The following HDAC9 variants were observed in gnomAD, a reference collection of about 807,000 sequenced individuals.
The protein encoded by HDAC9 is MEF-2 interacting transcription repressor (MITR) protein.
In HDAC9, 41 loss-of-function variants were observed where a neutral mutation model predicts 139.4. The observed-to-expected ratio is 0.29, with a 90% CI of 0.23 to 0.38. The LOEUF is 0.38. HDAC9 is among the 10% of genes least tolerant of loss of function. The pLI, the probability that HDAC9 is intolerant of heterozygous loss-of-function variation, is 1.00. For synonymous variants in HDAC9, 517 were observed against 476.2 expected, an observed-to-expected ratio of 1.09 and a Z score of -1.12; for missense variants, 1,147 against 1,297.0, an observed-to-expected ratio of 0.88 and a Z score of 1.78.
chr7:18,313,051 A>G (rs991051895), intron 1 of HDAC9, among the ~76,000 whole-genome samples: 2 of 152,152 alleles, frequency 1.3e-5, no homozygotes, highest in African/African-American at 4.8e-5. Context: ...TCTTAAATGC[A>G]TGGTTACCTA....
chr7:18,899,509 A>G (rs920190319), intron 22 of HDAC9: 4 of 152,152 alleles, frequency 2.6e-5, no homozygotes, highest in African/African-American at 9.6e-5. Flanking sequence ...TGTAACAATT[A>G]AATAGATCGT....
chr7:18,349,169 G>A (rs990595895), intron 1 of HDAC9, among the ~76,000 whole-genome samples: 2 of 151,934 alleles, frequency 1.3e-5, no homozygotes, highest in African/African-American at 2.4e-5. Flanking sequence ...GCACTGCACC[G>A]TATGTCTTTC....
intron 1 of HDAC9, among the ~76,000 whole-genome samples, chr7:18,450,868 C>G: frequency 6.6e-6 from 1 of 152,102 alleles, no homozygotes; most frequent in East Asian, 1.9e-4. Context: ...TTTTTGACTG[C>G]TATGCAACAA....
chr7:18,569,897 A>G (rs1394703484), intron 2 of HDAC9, among the ~76,000 whole-genome samples: 1 of 152,212 alleles, frequency 6.6e-6, no homozygotes, highest in South Asian at 2.1e-4. Context: ...ATCACAGTCT[A>G]TCTTTTCAAA....
At chr7:18,698,566 C>T (rs1783224807) in intron 12 of HDAC9, among the ~76,000 whole-genome samples, 1 of 152,208 alleles carries the variant, frequency 6.6e-6, no homozygotes, top group African/African-American at 2.4e-5. Context: ...TTGGAGCTCT[C>T]AGTCTAAATG....
At position 18,222,444 on chromosome 7, in the gene HDAC9, G is replaced by T. The variant is rs76651104; in HGVS notation, c.25+60095G>T. ...AAAACTAGGAAAGTAATTATTATGA[G>T]CTTCTTAATCTTTTATTTTTTCCAA... On this transcript the variant is annotated intron_variant, in intron 2 of 12. Coordinates refer to the HDAC9 transcript ENST00000417496. Among the ~76,000 whole-genome samples the T allele has an allele frequency of 4.3e-3, 647 of 152,122 alleles. 5 individuals are homozygous for T. Among genetic ancestry groups the T allele is most frequent in the African/African-American group, 0.015 (613 of 41,532 alleles).
intron 1 of HDAC9, among the ~76,000 whole-genome samples, chr7:18,162,051 C>G (rs894949068): frequency 2.0e-5 from 3 of 152,046 alleles, no homozygotes; most frequent in African/African-American, 7.2e-5. Flanking sequence ...AGGGAGACTG[C>G]TAAATTTGCT....
At chr7:18,821,498 C>T (rs13244868) in intron 17 of HDAC9, among the ~76,000 whole-genome samples, 14 of 152,056 alleles carry the variant, frequency 9.2e-5, no homozygotes, top group African/African-American at 3.4e-4. Context: ...AGTGTGGCTG[C>T]GGTGGAGAAA....
At chr7:18,204,668 T>C (rs1791369372) in intron 2 of HDAC9, among the ~76,000 whole-genome samples, 1 of 152,038 alleles carries the variant, frequency 6.6e-6, no homozygotes, top group Admixed American at 6.5e-5. Context: ...TGTTCTTTTT[T>C]TCTTCATGTG....
intron 1 of HDAC9, among the ~76,000 whole-genome samples, chr7:18,387,650 T>C (rs775250957): frequency 2.0e-5 from 3 of 152,256 alleles, no homozygotes; most frequent in Non-Finnish European, 2.9e-5. Context: ...TGCTCATCTT[T>C]AGAATTTTAG....
rs541291790 is a variant in HDAC9, at chr7:18,754,025, A to G, written c.2043+4887A>G. Among the ~76,000 whole-genome samples the G allele has an allele frequency of 4.6e-5, 7 of 152,216 alleles. No homozygotes were observed. In the East Asian group the frequency reaches 1.3e-3, roughly 29 times the overall value. ...AAATTGGCTCTGCTTACTAATCCTGATTAGTAGCCAGAGAAAACATTAGTC... is the reference window on the plus strand; with the variant it reads ...AAATTGGCTCTGCTTACTAATCCTGGTTAGTAGCCAGAGAAAACATTAGTC... On this transcript the variant is annotated intron_variant, in intron 14 of 25. Coordinates refer to ENST00000686413, the MANE Select transcript of HDAC9 (RefSeq NM_178425.4).
chr7:18,095,097 C>T (rs551052747), intron 1 of HDAC9, among the ~76,000 whole-genome samples: 35 of 152,208 alleles, frequency 2.3e-4, no homozygotes, highest in African/African-American at 5.5e-4. Flanking sequence ...GTGATCATCT[C>T]GTAGCGAAAA....
chr7:18,487,320 A>G (rs1796044191), intron 1 of HDAC9, among the ~76,000 whole-genome samples: 1 of 152,054 alleles, frequency 6.6e-6, no homozygotes, highest in African/African-American at 2.4e-5. Flanking sequence ...CCCAAATGAA[A>G]AAGAGTGAAT....
intron 22 of HDAC9, among the ~76,000 whole-genome samples, chr7:18,906,336 G>A (rs1802262364): frequency 6.6e-6 from 1 of 151,768 alleles, no homozygotes; most frequent in Non-Finnish European, 1.5e-5. Flanking sequence ...GTAGAGACAG[G>A]GTTTCACCAT....
chr7:18,430,605 G>C (rs1470828995), intron 1 of HDAC9: 3 of 152,106 alleles, frequency 2.0e-5, no homozygotes, highest in Non-Finnish European at 4.4e-5. Context: ...CACCAGGCTG[G>C]GCATGGTGGT....
At chr7:18,845,762 A>G (rs1796862881) in intron 21 of HDAC9, among the ~76,000 whole-genome samples, 1 of 152,086 alleles carries the variant, frequency 6.6e-6, no homozygotes, top group African/African-American at 2.4e-5. Context: ...AAAACCCTTG[A>G]TTTTTATTTT....
intron 1 of HDAC9, among the ~76,000 whole-genome samples, chr7:18,322,742 C>T (rs1375526083): frequency 1.3e-5 from 2 of 152,014 alleles, no homozygotes; most frequent in Non-Finnish European, 2.9e-5. Flanking sequence ...CATTCGAGAA[C>T]AGGATTGAAG....
chr7:18,845,873 T>C (rs1439866851), intron 21 of HDAC9, among the ~76,000 whole-genome samples: 1 of 152,124 alleles, frequency 6.6e-6, no homozygotes, highest in East Asian at 1.9e-4. Context: ...GCGCATCTGC[T>C]CTGTCTGTGT....
At chr7:18,962,599 A>G (rs188439139) in intron 24 of HDAC9, among the ~76,000 whole-genome samples, 2 of 152,236 alleles carry the variant, frequency 1.3e-5, no homozygotes, top group Admixed American at 6.5e-5. Flanking sequence ...AAATAAAACT[A>G]TGCATGCTTC....
Sources: allele counts gnomAD v4.1 joint callset (sites outside exome capture counted in the v4.1 genomes callset), GRCh38; gene constraint gnomAD v4.1.1; transcripts MANE v1.5; gene names NCBI Gene and HGNC (gene_info 2026-07-23, HGNC 2026-07-21).